Variants in IPO11 observed in about 807,000 individuals in gnomAD.
The protein encoded by IPO11 is importin 11.
Under a neutral mutation model 143.2 loss-of-function variants are expected in IPO11, and 66 were observed. That is an observed-to-expected ratio of 0.46 (90% confidence interval 0.38 to 0.57). The LOEUF (loss-of-function observed/expected upper bound fraction) is 0.57, where lower values mean the gene tolerates loss of function less well. Ranked by LOEUF, IPO11 falls within the 20% of genes least tolerant of loss-of-function variation. IPO11 has a pLI of 0.00. For missense variants in IPO11, 1,026 were observed against 1,141.0 expected, an observed-to-expected ratio of 0.90 and a Z score of 1.45; for synonymous variants, 385 against 377.8, an observed-to-expected ratio of 1.02 and a Z score of -0.22.
At chr5:62,514,590 A>AGGGAGAGGGAGAT (rs1561343885) in intron 19 of IPO11, among the ~76,000 whole-genome samples, 11 of 132,436 alleles carry the variant, frequency 8.3e-5, no homozygotes, top group African/African-American at 2.4e-4. Context: ...TGGAAAGGAG[A>AGGGAGAGGGAGAT]GGGAGAGGGA....
At chr5:62,471,008 A>G (rs1218502752) in intron 7 of IPO11, among the ~76,000 whole-genome samples, 1 of 151,422 alleles carries the variant, frequency 6.6e-6, no homozygotes, top group Admixed American at 6.6e-5. Context: ...TTGTATTTTT[A>G]GTAGAGACGA....
intron 22 of IPO11, among the ~76,000 whole-genome samples, chr5:62,535,732 T>C (rs908949235): frequency 2.0e-5 from 3 of 152,176 alleles, no homozygotes; most frequent in African/African-American, 7.2e-5. Context: ...CTGAATAGAA[T>C]GTCTTCTTTT....
Position 62,572,268 on chromosome 5 carries a change from A to T in IPO11, c.2582+11011A>T, listed in dbSNP as rs1744153074. Among the ~76,000 whole-genome samples, 3 of 152,322 alleles carry T rather than the reference A, an allele frequency of 2.0e-5. No individual in the cohort carries two copies. The South Asian group carries it at 6.2e-4, about 32-fold the overall frequency. On this transcript the variant is annotated intron_variant, in intron 27 of 29. Transcript: ENST00000325324. ...ACTTCTTCCAACCACTTAAAACCACATATCTCGTTTTTATTTAAGTTGTTC... is the reference window on the plus strand; with the variant it reads ...ACTTCTTCCAACCACTTAAAACCACTTATCTCGTTTTTATTTAAGTTGTTC...
chr5:62,430,828 C>T (rs1416546993), intron 1 of IPO11, among the ~76,000 whole-genome samples: 2 of 151,612 alleles, frequency 1.3e-5, no homozygotes, highest in Non-Finnish European at 2.9e-5. Flanking sequence ...CAGGCGTGCA[C>T]CATCACGTCT....
At chr5:62,515,538 G>A in intron 20 of IPO11, 37 bp downstream of exon 20, 1 of 1,367,550 alleles carries the variant, frequency 7.3e-7, no homozygotes, top group Non-Finnish European at 9.9e-7. Flanking sequence ...TTAGTTTAGT[G>A]GTTTTTAAAA....
chr5:62,478,113 A>G (rs1234460250), intron 9 of IPO11, among the ~76,000 whole-genome samples: 1 of 151,942 alleles, frequency 6.6e-6, no homozygotes, highest in African/African-American at 2.4e-5. Context: ...ATTATCTAGT[A>G]TTACCTGTAA....
intron 27 of IPO11, chr5:62,580,503 G>A: frequency 6.4e-7 from 1 of 1,551,330 alleles, no homozygotes. Context: ...TTCATCTTCA[G>A]GCAAATTCTA....
chr5:62,544,137 A>G (rs1379243659), intron 24 of IPO11, among the ~76,000 whole-genome samples: 1 of 152,198 alleles, frequency 6.6e-6, no homozygotes, highest in Non-Finnish European at 1.5e-5. Context: ...AAAGCCTGGC[A>G]GAGACACAAC....
Position 62,531,856 on chromosome 5 carries a change from G to T in IPO11, c.2089+1071G>T, listed in dbSNP as rs558390547. Among the ~76,000 whole-genome samples the T allele has an allele frequency of 6.6e-5, 10 of 152,192 alleles. 1 individual carries two copies. The South Asian group carries it at 1.7e-3, about 25-fold the overall frequency. On this transcript the variant is annotated intron_variant, in intron 22 of 29. Transcript: ENST00000325324. The stretch of plus-strand genomic sequence containing the variant: ...TTTGTTTTCCAATAAAGAGCCATTT[G>T]CTCTTTGTTATCTAGAGTCCCCATA...
intron 22 of IPO11, among the ~76,000 whole-genome samples, chr5:62,532,328 G>GT (rs962821070): frequency 3.3e-5 from 5 of 151,790 alleles, no homozygotes; most frequent in East Asian, 3.9e-4. Flanking sequence ...TAGTGTAGTG[G>GT]TTTTTTTTGT....
chr5:62,442,860 C>G (rs1744541360), intron 2 of IPO11, 123 bp from the exon 3 acceptor site: 1 of 208,402 alleles, frequency 4.8e-6, no homozygotes, highest in Non-Finnish European at 8.0e-6. Context: ...GTGAAACTGT[C>G]TCAAAAACAA....
At chr5:62,481,167 C>G (rs1301314867) in intron 9 of IPO11, among the ~76,000 whole-genome samples, 11 of 152,106 alleles carry the variant, frequency 7.2e-5, no homozygotes, top group Non-Finnish European at 1.5e-4. Flanking sequence ...ATCCACCCGC[C>G]TTGGCCTCCC....
chr5:62,542,686 G>C (rs372471285), intron 24 of IPO11, among the ~76,000 whole-genome samples: 1 of 152,150 alleles, frequency 6.6e-6, no homozygotes, highest in East Asian at 1.9e-4. Flanking sequence ...AAATGGTGTA[G>C]AGCAAAGGAT....
chr5:62,620,301 C>T (rs1382783828), intron 29 of IPO11, among the ~76,000 whole-genome samples: 7 of 152,050 alleles, frequency 4.6e-5, no homozygotes, highest in East Asian at 1.9e-4. Flanking sequence ...GGGCGGATCA[C>T]GAGGTCAGGA....
At chr5:62,533,673 T>C (rs970899406) in intron 22 of IPO11, among the ~76,000 whole-genome samples, 1 of 152,204 alleles carries the variant, frequency 6.6e-6, no homozygotes. Flanking sequence ...ATAGGTATTA[T>C]ATTTTTCTAA....
intron 22 of IPO11, among the ~76,000 whole-genome samples, chr5:62,531,425 G>A (rs1194333170): frequency 6.6e-6 from 1 of 152,124 alleles, no homozygotes; most frequent in Non-Finnish European, 1.5e-5. Flanking sequence ...CAACCTCCCA[G>A]GTTCAAACTG....
At chr5:62,520,569 T>C (rs1742171076) in intron 20 of IPO11, among the ~76,000 whole-genome samples, 1 of 152,184 alleles carries the variant, frequency 6.6e-6, no homozygotes, top group South Asian at 2.1e-4. Flanking sequence ...TTCCCCACCC[T>C]GTGTCCAAGT....
At chr5:62,495,005 A>C (rs1225563408) in intron 16 of IPO11, among the ~76,000 whole-genome samples, 5 of 152,162 alleles carry the variant, frequency 3.3e-5, no homozygotes, top group African/African-American at 1.2e-4. Context: ...ACATATGCTG[A>C]CATAAAGAAA....
chr5:62,567,864 A>G (rs1052073662), intron 27 of IPO11, among the ~76,000 whole-genome samples: 1 of 149,792 alleles, frequency 6.7e-6, no homozygotes, highest in Non-Finnish European at 1.5e-5. Flanking sequence ...ACCCCGCTAC[A>G]TTTGCTCTTT....
Sources: allele counts gnomAD v4.1 joint callset (sites outside exome capture counted in the v4.1 genomes callset), GRCh38; gene constraint gnomAD v4.1.1; transcripts MANE v1.5; gene names NCBI Gene and HGNC (gene_info 2026-07-23, HGNC 2026-07-21).